PHF20: variants seen among roughly 807,000 people sequenced by gnomAD.
The protein encoded by PHF20 is PHD finger protein 20.
PHF20 carries 23 observed loss-of-function variants against 113.5 expected under a neutral mutation model. That is an observed-to-expected ratio of 0.20 (90% CI 0.15 to 0.29). The LOEUF is 0.29. Ranked by LOEUF, PHF20 falls within the 10% of genes least tolerant of loss-of-function variation. The probability of loss-of-function intolerance (pLI) is 1.00; values close to 1 mark genes in which losing one functional copy is unlikely to be tolerated. For missense variants in PHF20, 943 were observed against 1,219.6 expected (o/e 0.77, Z 3.38); for synonymous variants, 434 against 457.3 (o/e 0.95, Z 0.65).
At chr20:35,829,504 C>A (rs1433041341) in intron 2 of PHF20, among the ~76,000 whole-genome samples, 1 of 145,746 alleles carries the variant, frequency 6.9e-6, no homozygotes, top group Non-Finnish European at 1.5e-5. Context: ...TGCCACCACG[C>A]CTGGCTAATT....
At chr20:35,900,361 T>C (rs1446341865) in intron 10 of PHF20, among the ~76,000 whole-genome samples, 1 of 152,184 alleles carries the variant, frequency 6.6e-6, no homozygotes, top group Non-Finnish European at 1.5e-5. Context: ...TATTAAAATG[T>C]GTAGGTCTTA....
chr20:35,878,508 G>A (rs2054571111), intron 9 of PHF20: 1 of 614,646 alleles, frequency 1.6e-6, no homozygotes. Context: ...GAAGATCAGG[G>A]ATCCAAACTT....
At chr20:35,876,163 G>T (rs2054517481) in intron 9 of PHF20, among the ~76,000 whole-genome samples, 1 of 151,908 alleles carries the variant, frequency 6.6e-6, no homozygotes, top group African/African-American at 2.4e-5. Context: ...AATAGTAAGG[G>T]TGGAGGTCAA....
At chr20:35,944,861 T>G (rs527629574) in intron 17 of PHF20, among the ~76,000 whole-genome samples, 51 of 152,280 alleles carry the variant, frequency 3.3e-4, no homozygotes, top group Admixed American at 2.7e-3. Flanking sequence ...ACGTCCGGCC[T>G]CTCCATTTAT....
At chr20:35,845,327 G>A (rs576489227) in intron 3 of PHF20, 59 of 228,578 alleles carry the variant, frequency 2.6e-4, no homozygotes, top group South Asian at 2.1e-3. Flanking sequence ...ATATGTATAC[G>A]TGTGCCATGT....
chr20:35,939,259 G>A, intron 16 of PHF20, 151 bp downstream of exon 16: 1 of 907,920 alleles, frequency 1.1e-6, no homozygotes, highest in South Asian at 2.1e-5. Flanking sequence ...CAAAATGGGT[G>A]CAAAGTCAGG....
At chr20:35,928,332 G>A (rs1302350724) in intron 14 of PHF20, among the ~76,000 whole-genome samples, 1 of 151,016 alleles carries the variant, frequency 6.6e-6, no homozygotes, top group African/African-American at 2.4e-5. Context: ...CCAGCTACTT[G>A]GGAGGCTGAG....
chr20:35,880,980 A>AC (rs1440986228), intron 9 of PHF20, among the ~76,000 whole-genome samples: 2 of 149,308 alleles, frequency 1.3e-5, no homozygotes, highest in Non-Finnish European at 3.0e-5. Flanking sequence ...AAAATTAAAA[A>AC]TTTTTTTTTA....
chr20:35,860,360 C>T (rs1399511225), intron 5 of PHF20, among the ~76,000 whole-genome samples: 3 of 151,636 alleles, frequency 2.0e-5, no homozygotes, highest in Non-Finnish European at 4.4e-5. Flanking sequence ...CCTTCCTCAG[C>T]CTCCTGAGTA....
intron 2 of PHF20, among the ~76,000 whole-genome samples, chr20:35,827,258 C>T (rs568929189): frequency 1.3e-5 from 2 of 150,860 alleles, no homozygotes; most frequent in African/African-American, 2.4e-5. Flanking sequence ...TGCGCCACCA[C>T]GTCTGGGTAA....
At chr20:35,805,552 T>C (rs895270091) in intron 2 of PHF20, among the ~76,000 whole-genome samples, 2 of 151,742 alleles carry the variant, frequency 1.3e-5, no homozygotes, top group Non-Finnish European at 2.9e-5. Flanking sequence ...TTCACTGTGT[T>C]AGCCAAGATT....
At chr20:35,855,230 T>C (rs1384237527) in intron 4 of PHF20, 2 of 1,325,314 alleles carry the variant, frequency 1.5e-6, no homozygotes, top group South Asian at 2.4e-5. Flanking sequence ...TTATCATAAC[T>C]GCTTTGCTTG....
At chr20:35,893,320 T>G (rs1299032945) in intron 9 of PHF20, among the ~76,000 whole-genome samples, 1 of 152,222 alleles carries the variant, frequency 6.6e-6, no homozygotes, top group Non-Finnish European at 1.5e-5. Context: ...TGACTTTTTT[T>G]TTTTTTTGAG....
At chr20:35,895,060 G>A (rs759306403) in intron 9 of PHF20, among the ~76,000 whole-genome samples, 3 of 151,866 alleles carry the variant, frequency 2.0e-5, no homozygotes, top group Non-Finnish European at 4.4e-5. Context: ...GTCTCGCTCT[G>A]TCGCCCAGGC....
chr20:35,782,814 TATC>T (rs2041328911), intron 1 of PHF20, among the ~76,000 whole-genome samples: 1 of 152,230 alleles, frequency 6.6e-6, no homozygotes, highest in African/African-American at 2.4e-5. Context: ...ACCCAAGTAT[TATC>T]ATAACTGTCT....
intron 2 of PHF20, among the ~76,000 whole-genome samples, chr20:35,836,578 C>T (rs2042443788): frequency 1.3e-5 from 2 of 152,178 alleles, no homozygotes; most frequent in South Asian, 2.1e-4. Context: ...GGCGCAGTGG[C>T]TCACGCCTGT....
In PHF20 at chr20:35,848,401, G is replaced by A. The variant is rs188208219; in HGVS notation, c.340+967G>A. Among the ~76,000 whole-genome samples, 98 of 152,040 alleles carry A rather than the reference G, an allele frequency of 6.4e-4. 1 individual carries two copies. The East Asian group carries it at 0.016, about 24-fold the overall frequency. On this transcript the variant is annotated intron_variant, in intron 4 of 17. Transcript: ENST00000374012. Reference sequence around the variant, plus strand: ...TCCTGCCTCAGCCTCCCGAGTAGCTGGGATTACCAACGTGCACCACGGTCA... The same window carrying A: ...TCCTGCCTCAGCCTCCCGAGTAGCTAGGATTACCAACGTGCACCACGGTCA...
intron 12 of PHF20, among the ~76,000 whole-genome samples, chr20:35,915,646 A>G (rs1352439713): frequency 6.6e-6 from 1 of 151,974 alleles, no homozygotes; most frequent in Non-Finnish European, 1.5e-5. Context: ...CGACCTCCCA[A>G]AGTGCTGGGA....
At chr20:35,895,308 G>A (rs1466758846) in intron 9 of PHF20, among the ~76,000 whole-genome samples, 1 of 152,090 alleles carries the variant, frequency 6.6e-6, no homozygotes, top group African/African-American at 2.4e-5. Context: ...ACAGGTGTGA[G>A]CCACCGTGCC....
Sources: gnomAD v4.1 joint callset for allele counts (sites outside exome capture counted in the v4.1 genomes callset) on GRCh38, gnomAD v4.1.1 for gene constraint, MANE v1.5 for transcripts, NCBI Gene and HGNC (gene_info 2026-07-23, HGNC 2026-07-21) for gene names.